The following GLIS3 variants were observed in gnomAD, a reference collection of about 807,000 sequenced individuals.
GLIS3 encodes GLIS family zinc finger 3, also known as zinc finger protein GLIS3.
Under a neutral mutation model 78.6 loss-of-function variants are expected in GLIS3, and 53 were observed. That is an observed-to-expected ratio of 0.67 (90% CI 0.54 to 0.85). The LOEUF (loss-of-function observed/expected upper bound fraction) is 0.85, where lower values mean the gene tolerates loss of function less well. Among genes scored for constraint, GLIS3 ranks in the 40% least tolerant of loss-of-function variants. The probability of loss-of-function intolerance (pLI) is 0.00; values close to 1 mark genes in which losing one functional copy is unlikely to be tolerated. For synonymous variants in GLIS3, 684 were observed against 509.9 expected, an observed-to-expected ratio of 1.34 and a Z score of -4.60; for missense variants, 1,703 against 1,231.1, an observed-to-expected ratio of 1.38 and a Z score of -5.74.
intron 2 of GLIS3, among the ~76,000 whole-genome samples, chr9:4,321,664 C>G (rs1207056883): frequency 7.8e-6 from 1 of 128,748 alleles, no homozygotes; most frequent in Non-Finnish European, 1.5e-5. Context: ...TCTCTGCTAT[C>G]CCTCCTCCAA....
At chr9:3,866,789 G>A (rs1302359061) in intron 8 of GLIS3, among the ~76,000 whole-genome samples, 5 of 152,236 alleles carry the variant, frequency 3.3e-5, no homozygotes, top group Non-Finnish European at 5.9e-5. Flanking sequence ...ATTAACCAGG[G>A]AGAGGTGTGA....
intron 2 of GLIS3, among the ~76,000 whole-genome samples, chr9:4,203,209 C>A (rs554807733): frequency 2.0e-5 from 3 of 152,252 alleles, no homozygotes; most frequent in African/African-American, 7.2e-5. Flanking sequence ...AAGTGGCCAA[C>A]AGACATGAAG....
chr9:4,317,525 A>G (rs185590609), intron 2 of GLIS3, among the ~76,000 whole-genome samples: 1 of 152,352 alleles, frequency 6.6e-6, no homozygotes, highest in East Asian at 1.9e-4. Flanking sequence ...CAAAATCCCT[A>G]TGAAATAACA....
chr9:4,470,951 T>A, the GLIS3 span, among the ~76,000 whole-genome samples: 2 of 152,114 alleles, frequency 1.3e-5, no homozygotes, highest in Non-Finnish European at 2.9e-5. Context: ...AGCATTCTTA[T>A]ACACCAATAA....
At chr9:4,243,040 C>G (rs1823467008) in intron 2 of GLIS3, among the ~76,000 whole-genome samples, 1 of 152,048 alleles carries the variant, frequency 6.6e-6, no homozygotes, top group Admixed American at 6.6e-5. Context: ...GATATTCTAC[C>G]ATGATTAATC....
chr9:4,078,650 T>C (rs1475740334), intron 4 of GLIS3, among the ~76,000 whole-genome samples: 1 of 152,202 alleles, frequency 6.6e-6, no homozygotes, highest in Non-Finnish European at 1.5e-5. Flanking sequence ...ATTATGATTG[T>C]GGTGCTGCCA....
chr9:4,389,151 G>C, the GLIS3 span, among the ~76,000 whole-genome samples: 1 of 152,154 alleles, frequency 6.6e-6, no homozygotes, highest in Admixed American at 6.5e-5. Context: ...TGAATCATTA[G>C]GAAAACCCTG....
chr9:4,395,138 T>C, the GLIS3 span, among the ~76,000 whole-genome samples: 1 of 152,254 alleles, frequency 6.6e-6, no homozygotes, highest in Non-Finnish European at 1.5e-5. Flanking sequence ...AAGGGTTTTA[T>C]GCAGACCATG....
At chr9:4,481,398 C>G in the GLIS3 span, among the ~76,000 whole-genome samples, 1 of 152,012 alleles carries the variant, frequency 6.6e-6, no homozygotes, top group African/African-American at 2.4e-5. Flanking sequence ...TCAGGGGAAT[C>G]GCTTGAACCT....
At chr9:4,073,994 G>T (rs75067455) in intron 4 of GLIS3, among the ~76,000 whole-genome samples, 213 of 152,228 alleles carry the variant, frequency 1.4e-3, no homozygotes, top group Non-Finnish European at 2.7e-3. Context: ...GAGAGCCAAG[G>T]TGCAAGTTTG....
At chr9:3,841,737 A>G (rs1818730185) in intron 9 of GLIS3, among the ~76,000 whole-genome samples, 1 of 152,232 alleles carries the variant, frequency 6.6e-6, no homozygotes, top group South Asian at 2.1e-4. Context: ...ACTGGTTGCT[A>G]GTATATATGT....
At chr9:4,343,260 T>G (rs1250640619) in intron 2 of GLIS3, among the ~76,000 whole-genome samples, 1 of 152,176 alleles carries the variant, frequency 6.6e-6, no homozygotes, top group Non-Finnish European at 1.5e-5. Context: ...GAAGATTGCT[T>G]GAGCCCAGGA....
intron 9 of GLIS3, among the ~76,000 whole-genome samples, chr9:3,837,564 C>T (rs575970659): frequency 2.6e-5 from 4 of 152,282 alleles, no homozygotes; most frequent in African/African-American, 9.6e-5. Flanking sequence ...GCAGTACATG[C>T]AGGCAATGGA....
At chr9:3,887,423 A>C (rs922839853) in intron 7 of GLIS3, among the ~76,000 whole-genome samples, 1 of 152,226 alleles carries the variant, frequency 6.6e-6, no homozygotes, top group Admixed American at 6.6e-5. Flanking sequence ...GGCTCTGTAG[A>C]ACATGCCTAT....
At position 4,137,979 on chromosome 9, in the gene GLIS3, A is replaced by G. The variant is rs138030514; in HGVS notation, c.389-12038T>C. ...AAGTACTCTGAAAAACTGAAACACC[A>G]GCAGAGGCACAACTTAGTAATTTAT... is the stretch of plus-strand genomic sequence containing the variant. On this transcript the variant is annotated intron_variant, in intron 2 of 10. Transcript: ENST00000381971. 7.8e-3 allele frequency among the ~76,000 whole-genome samples: 1,188 copies of G among 152,318 alleles called. 54 individuals are homozygous for G. The highest frequency in any genetic ancestry group is 0.068 in the Admixed American group (1,033 of 15,298).
At chr9:4,376,077 G>A in the GLIS3 span, among the ~76,000 whole-genome samples, 2 of 152,112 alleles carry the variant, frequency 1.3e-5, no homozygotes, top group Non-Finnish European at 2.9e-5. Flanking sequence ...AAAATATAAA[G>A]CCTTATGATC....
intron 4 of GLIS3, among the ~76,000 whole-genome samples, chr9:3,967,383 G>C (rs189391102): frequency 1.0e-3 from 152 of 151,990 alleles, no homozygotes; most frequent in African/African-American, 3.4e-3. Context: ...CGTGCCTGTA[G>C]TCCCAGCTAC....
At chr9:4,359,307 T>G in the GLIS3 span, among the ~76,000 whole-genome samples, 6 of 152,278 alleles carry the variant, frequency 3.9e-5, no homozygotes, top group Middle Eastern at 6.8e-3. Context: ...ATCAGATCTT[T>G]TCTCCTTACC....
intron 6 of GLIS3, among the ~76,000 whole-genome samples, chr9:3,905,003 T>A (rs915641577): frequency 6.6e-6 from 1 of 151,408 alleles, no homozygotes; most frequent in Non-Finnish European, 1.5e-5. Context: ...GACGGAGTCT[T>A]GCTCTGTCTC....
Sources: allele counts gnomAD v4.1 joint callset (sites outside exome capture counted in the v4.1 genomes callset), GRCh38; gene constraint gnomAD v4.1.1; transcripts MANE v1.5; gene names NCBI Gene and HGNC (gene_info 2026-07-23, HGNC 2026-07-21).